The following NAV1 variants were observed in gnomAD, a reference collection of about 807,000 sequenced individuals.
The protein encoded by NAV1 is neuron navigator 1.
In NAV1, 18 loss-of-function variants were observed where a neutral mutation model predicts 175.2. That is an observed-to-expected ratio of 0.10 (90% confidence interval 0.07 to 0.15). The LOEUF (loss-of-function observed/expected upper bound fraction) is 0.15, where lower values mean the gene tolerates loss of function less well. NAV1 is among the 10% of genes least tolerant of loss of function. NAV1 has a pLI of 1.00. For missense variants in NAV1, 1,731 were observed against 2,436.6 expected (o/e 0.71, Z 6.10); for synonymous variants, 897 against 978.7 (o/e 0.92, Z 1.56).
chr1:201,595,918 C>G (rs1264890546), intron 2 of NAV1, among the ~76,000 whole-genome samples: 1 of 152,236 alleles, frequency 6.6e-6, no homozygotes, highest in Non-Finnish European at 1.5e-5. Flanking sequence ...TGGTTAACTT[C>G]GCTTCGGGAC....
intron 3 of NAV1, among the ~76,000 whole-genome samples, chr1:201,751,195 A>G (rs938582765): frequency 5.3e-5 from 8 of 152,208 alleles, no homozygotes; most frequent in African/African-American, 1.9e-4. Flanking sequence ...CTGCCTCTCA[A>G]CCTGGAGGAG....
chr1:201,648,553 C>G, exon 1 of NAV1: 1 of 1,250,728 alleles, frequency 8.0e-7, no homozygotes, highest in Non-Finnish European at 1.0e-6. Context: ...TCGGTTTCTT[C>G]CGTCCTCTCT....
At position 201,750,247 on chromosome 1, in the gene NAV1, T is replaced by C. The variant is rs559558214; in HGVS notation, c.1227-30174T>C. On this transcript the variant is annotated intron_variant, in intron 3 of 29. Coordinates refer to ENST00000367296, the Ensembl canonical transcript of NAV1. The surrounding 1 kb of genome is among the most constrained non-coding windows in gnomAD (Gnocchi z 4.1). Reference sequence around the variant, plus strand: ...ACATGTAATGAGTGCCTAAGGAAGGTATGAAAAACCCTTCCCTGGAAGTCT... The same window carrying C: ...ACATGTAATGAGTGCCTAAGGAAGGCATGAAAAACCCTTCCCTGGAAGTCT... 6.6e-6 allele frequency among the ~76,000 whole-genome samples: 1 copy of C among 152,234 alleles called. No homozygotes were observed. Among genetic ancestry groups the C allele is most frequent in the African/African-American group, 2.4e-5 (1 of 41,532 alleles).
At chr1:201,783,846 T>C (rs747704047) in exon 7 of NAV1, 4 of 1,607,826 alleles carry the variant, frequency 2.5e-6, no homozygotes, top group South Asian at 2.2e-5. Flanking sequence ...GCTGGGCAAC[T>C]GGACAGGTAG....
At position 201,740,077 on chromosome 1, in the gene NAV1, G is replaced by T; in HGVS notation, c.1226+21322G>T. Reference sequence around the variant, plus strand: ...GAAGAACGGTGAATTTCCCCCGCAGGTAAGCGCCCCCACCCCCCTGGCCTC... The same window carrying T: ...GAAGAACGGTGAATTTCCCCCGCAGTTAAGCGCCCCCACCCCCCTGGCCTC... On this transcript the variant is annotated intron_variant, in intron 3 of 29. Coordinates refer to ENST00000367296, the Ensembl canonical transcript of NAV1. This position sits in a 1 kb window ranked among gnomAD's most constrained non-coding sequence, Gnocchi z 4.7. 6.8e-7 allele frequency: 1 copy of T among 1,470,452 alleles called. No homozygotes were observed. The highest frequency in any genetic ancestry group is 9.0e-7 in the Non-Finnish European group (1 of 1,108,320). The allele number at this position is 1,470,452 out of a possible 1,614,324, so 91.1% of individuals were successfully genotyped here.
intron 1 of NAV1, among the ~76,000 whole-genome samples, chr1:201,554,252 C>T (rs546934811): frequency 1.7e-4 from 26 of 152,170 alleles, no homozygotes; most frequent in Non-Finnish European, 2.9e-4. Flanking sequence ...CACAGGTCCA[C>T]GTGCAAGACT....
intron 2 of NAV1, among the ~76,000 whole-genome samples, chr1:201,642,009 TTC>T (rs779245340): frequency 3.1e-4 from 47 of 150,376 alleles, no homozygotes; most frequent in Non-Finnish European, 4.9e-4. Context: ...ATTCCCTTCC[TTC>T]TCTCTTTCTT....
chr1:201,736,531 A>C (rs573400882), intron 3 of NAV1, among the ~76,000 whole-genome samples: 3 of 152,216 alleles, frequency 2.0e-5, no homozygotes, highest in Non-Finnish European at 4.4e-5. Context: ...CTTGGGCCTC[A>C]GCCAAGGTGA....
chr1:201,788,776 T>C lies in NAV1; in HGVS notation c.3166+138T>C, dbSNP rs1450822839. ...CATCAAGTTGGGCCATTTCAGTTTT[T>C]TCTCCCCATCCCTTTGAAGGGTCTG... On this transcript the variant is annotated intron_variant, in intron 10 of 29. Transcript: ENST00000367296. This position sits in a 1 kb window ranked among gnomAD's most constrained non-coding sequence, Gnocchi z 5.7. 6 of 1,067,710 alleles carry C rather than the reference T, an allele frequency of 5.6e-6. No homozygotes were observed. Among genetic ancestry groups the C allele is most frequent in the Middle Eastern group, 2.2e-4 (1 of 4,586 alleles). 66.1% of individuals were successfully genotyped at this position (1,067,710 alleles called of 1,614,324 possible). A position where few individuals can be genotyped will look rare whatever the true frequency, so the allele number is the denominator to read the frequency against.
intron 3 of NAV1, among the ~76,000 whole-genome samples, chr1:201,721,125 C>T (rs562767173): frequency 3.3e-5 from 5 of 151,942 alleles, no homozygotes; most frequent in African/African-American, 1.2e-4. Flanking sequence ...CTTCCCTGCA[C>T]AGCCCCCAGC....
chr1:201,550,088 A>T (rs1665810277), intron 1 of NAV1, among the ~76,000 whole-genome samples: 1 of 151,462 alleles, frequency 6.6e-6, no homozygotes, highest in Non-Finnish European at 1.5e-5. Context: ...AGGACGCAGC[A>T]TGCCCATAAG....
chr1:201,790,862 C>T, intron 13 of NAV1, 96 bp downstream of exon 17: 1 of 1,215,016 alleles, frequency 8.2e-7, no homozygotes. Flanking sequence ...TAAGGTATCC[C>T]CTGGACTGAG....
Position 201,810,424 on chromosome 1 carries a change from T to C in NAV1, c.4562-99T>C. 1 of 1,192,026 alleles carries C rather than the reference T, an allele frequency of 8.4e-7. No homozygotes were observed. Among genetic ancestry groups the C allele is most frequent in the Middle Eastern group, 2.0e-4 (1 of 5,086 alleles). 73.8% of individuals were successfully genotyped at this position (1,192,026 alleles called of 1,614,324 possible). A position where few individuals can be genotyped will look rare whatever the true frequency, so the allele number is the denominator to read the frequency against. On this transcript the variant is annotated intron_variant, in intron 23 of 29. Coordinates refer to ENST00000367296, the Ensembl canonical transcript of NAV1. This position sits in a 1 kb window ranked among gnomAD's most constrained non-coding sequence, Gnocchi z 6.0. ...CATGGGGCAAGTGGCTCTGAGTTTC[T>C]TCAGGGGGCTCCTAGATAAAGAAAG...
At chr1:201,768,378 C>T (rs1181032827) in intron 3 of NAV1, among the ~76,000 whole-genome samples, 1 of 150,194 alleles carries the variant, frequency 6.7e-6, no homozygotes, top group African/African-American at 2.4e-5. Context: ...TGGCTCATGC[C>T]TGTAATCCTA....
intron 2 of NAV1, among the ~76,000 whole-genome samples, chr1:201,713,820 G>A (rs893937450): frequency 1.2e-4 from 18 of 152,302 alleles, no homozygotes; most frequent in African/African-American, 4.1e-4. Flanking sequence ...GCAAAGTTGG[G>A]ACACAGGGGC....
intron 2 of NAV1, among the ~76,000 whole-genome samples, chr1:201,713,410 T>A (rs1244029107): frequency 6.6e-6 from 1 of 152,176 alleles, no homozygotes; most frequent in African/African-American, 2.4e-5. Flanking sequence ...GAGGGAGGCT[T>A]GAGTGCTCAA....
chr1:201,754,812 ACT>A lies in NAV1; in HGVS notation c.1227-25608_1227-25607del, dbSNP rs1674352004. ...GATTTTATTTTGTCCTGTTATATTA[ACT>A]AAACCAGTTTTTAAAAATAGGGAAA... On this transcript the variant is annotated intron_variant, in intron 3 of 29. Transcript: ENST00000367296. Among the ~76,000 whole-genome samples the A allele has an allele frequency of 5.3e-5, 8 of 152,312 alleles. No individual in the cohort carries two copies. The South Asian group carries it at 1.7e-3, about 32-fold the overall frequency.
At chr1:201,711,259 G>A (rs181012824) in intron 1 of NAV1, among the ~76,000 whole-genome samples, 8 of 152,372 alleles carry the variant, frequency 5.3e-5, no homozygotes, top group African/African-American at 1.9e-4. Context: ...ATGAGAGGAT[G>A]TGGGGGTGGA....
chr1:201,698,960 C>T (rs922320514), intron 1 of NAV1, among the ~76,000 whole-genome samples: 19 of 152,210 alleles, frequency 1.2e-4, no homozygotes, highest in African/African-American at 3.6e-4. Flanking sequence ...AAGACGGGCC[C>T]GCTCTGTAAA....
Sources: gnomAD v4.1 joint callset for allele counts (sites outside exome capture counted in the v4.1 genomes callset) on GRCh38, gnomAD v4.1.1 for gene constraint, Gnocchi (gnomAD v3.1) non-coding constraint, MANE v1.5 for transcripts, NCBI Gene and HGNC (gene_info 2026-07-23, HGNC 2026-07-21) for gene names.